The following RNF216 variants were observed in gnomAD, a reference collection of about 807,000 sequenced individuals.
The protein encoded by RNF216 is ring finger protein 216.
Under a neutral mutation model 110.8 loss-of-function variants are expected in RNF216, and 72 were observed. The ratio of observed to expected loss-of-function variants is 0.65; its 90% confidence interval spans 0.54 to 0.79. The LOEUF (loss-of-function observed/expected upper bound fraction) is 0.79, where lower values mean the gene tolerates loss of function less well. RNF216 is among the 30% of genes least tolerant of loss of function. RNF216 has a pLI of 0.00. For missense variants in RNF216, 1,342 were observed against 1,141.2 expected, an observed-to-expected ratio of 1.18 and a Z score of -2.54; for synonymous variants, 495 against 407.5, an observed-to-expected ratio of 1.21 and a Z score of -2.59.
chr7:5,731,995 G>A (rs1373342655), intron 5 of RNF216, among the ~76,000 whole-genome samples: 5 of 152,046 alleles, frequency 3.3e-5, no homozygotes, highest in Admixed American at 1.3e-4. Context: ...TCCCTTTGCC[G>A]TTACTTCAGG....
At chr7:5,728,573 C>CAA (rs534484429) in intron 7 of RNF216, among the ~76,000 whole-genome samples, 1 of 128,844 alleles carries the variant, frequency 7.8e-6, no homozygotes, top group Admixed American at 8.2e-5. Flanking sequence ...GACTCCGTCT[C>CAA]AAAAAAAAAA....
At chr7:5,718,857 A>G (rs1793233797) in intron 9 of RNF216, among the ~76,000 whole-genome samples, 2 of 152,152 alleles carry the variant, frequency 1.3e-5, no homozygotes, top group Admixed American at 1.3e-4. Context: ...CCACCCGGCC[A>G]AACTTAAGTT....
chr7:5,740,142 T>TTTG (rs1794675777), intron 4 of RNF216, among the ~76,000 whole-genome samples: 2 of 72,818 alleles, frequency 2.7e-5, no homozygotes, highest in African/African-American at 1.0e-4. Context: ...TTTTTTTTTT[T>TTTG]GTGAGATAGA....
At position 5,762,065 on chromosome 7, in the gene RNF216, T is replaced by C. The variant is rs532814631; in HGVS notation, c.-69-927A>G. Among the ~76,000 whole-genome samples, 179 of 152,212 alleles carry C rather than the reference T, an allele frequency of 1.2e-3. 1 individual carries two copies. Among genetic ancestry groups the C allele is most frequent in the African/African-American group, 4.2e-3 (176 of 41,550 alleles). On this transcript the variant is annotated intron_variant, in intron 1 of 16. Transcript: ENST00000389902. The stretch of plus-strand genomic sequence containing the variant: ...AGGGATGGTCATTATAGCAAATATG[T>C]AATAAAAGCAATTGGAAATGACCTT...
At chr7:5,707,718 G>GTGT (rs1792384318) in intron 13 of RNF216, among the ~76,000 whole-genome samples, 24 of 92,848 alleles carry the variant, frequency 2.6e-4, no homozygotes, top group Non-Finnish European at 3.0e-4. Context: ...TGTGTGTGTG[G>GTGT]TTTTTTTTTT....
chr7:5,776,251 C>G (rs1489411592), intron 1 of RNF216, among the ~76,000 whole-genome samples: 1 of 151,940 alleles, frequency 6.6e-6, no homozygotes, highest in Non-Finnish European at 1.5e-5. Context: ...TCAAAGAACT[C>G]AGAGTCCCAT....
At chr7:5,651,606 G>C (rs1788392230) in intron 14 of RNF216, among the ~76,000 whole-genome samples, 1 of 152,002 alleles carries the variant, frequency 6.6e-6, no homozygotes, top group Non-Finnish European at 1.5e-5. Context: ...ATTGTTATGA[G>C]AGAAGAGAAA....
intron 7 of RNF216, 148 bp from the exon 8 acceptor site, chr7:5,725,586 G>A (rs893692533): frequency 1.5e-5 from 9 of 616,818 alleles, no homozygotes; most frequent in Non-Finnish European, 2.3e-5. Flanking sequence ...TGCGGTGGCT[G>A]ACGCCTGTAA....
chr7:5,667,982 G>C (rs1393431771), intron 13 of RNF216, among the ~76,000 whole-genome samples: 1 of 152,214 alleles, frequency 6.6e-6, no homozygotes, highest in Non-Finnish European at 1.5e-5. Flanking sequence ...TTCAAGCTGA[G>C]CAGGTAACTT....
intron 13 of RNF216, among the ~76,000 whole-genome samples, chr7:5,697,151 C>T (rs552874575): frequency 2.0e-4 from 30 of 152,304 alleles, no homozygotes; most frequent in African/African-American, 7.0e-4. Context: ...CAGCTTTGCT[C>T]GTGTCATTCT....
Position 5,752,945 on chromosome 7 carries a change from T to C in RNF216, c.102A>G (p.Ile34Met), listed in dbSNP as rs747780115. Residue 34 changes from isoleucine (I) to methionine (M), a missense_variant, in exon 3 of 17, where the codon ATA (isoleucine) becomes ATG (methionine). Physicochemically the swap from Ile to Met is conservative, Grantham distance 10. Transcript: ENST00000389902. The stretch of plus-strand genomic sequence containing the variant: ...TCCTTTCCTCATCTGAGGAGTCAGA[T>C]ATGGTGATGGGCCCATCTCGGAGAT... ...WINLRDGPIT[I>M]SDSSDEERIP... The C allele has an allele frequency of 4.3e-6, 7 of 1,611,722 alleles. No individual in the cohort carries two copies. The highest frequency in any genetic ancestry group is 1.3e-5 in the African/African-American group (1 of 74,868).
chr7:5,699,625 A>T (rs1378553771), intron 13 of RNF216, among the ~76,000 whole-genome samples: 1 of 152,250 alleles, frequency 6.6e-6, no homozygotes, highest in East Asian at 1.9e-4. Context: ...TTCACAGTCC[A>T]TCTTCCCAGG....
intron 14 of RNF216, among the ~76,000 whole-genome samples, chr7:5,646,284 G>A (rs777294181): frequency 2.0e-5 from 3 of 152,032 alleles, no homozygotes; most frequent in Non-Finnish European, 4.4e-5. Context: ...CATGAGAATC[G>A]CTTGGGCCCA....
chr7:5,781,036 G>A (rs557841681), intron 1 of RNF216, among the ~76,000 whole-genome samples: 1 of 152,146 alleles, frequency 6.6e-6, no homozygotes, highest in Non-Finnish European at 1.5e-5. Context: ...GCCCTCGCGA[G>A]TGCCGGGTGA....
intron 3 of RNF216, among the ~76,000 whole-genome samples, chr7:5,743,702 G>T (rs1335766738): frequency 2.0e-5 from 3 of 152,162 alleles, no homozygotes; most frequent in African/African-American, 7.2e-5. Flanking sequence ...GACCTGGAAG[G>T]ATACATGCTA....
intron 13 of RNF216, among the ~76,000 whole-genome samples, chr7:5,657,561 C>T (rs533155019): frequency 6.6e-6 from 1 of 151,310 alleles, no homozygotes; most frequent in East Asian, 1.9e-4. Context: ...GAGTGAAATT[C>T]TGTCTAAAAA....
intron 8 of RNF216, among the ~76,000 whole-genome samples, chr7:5,724,676 T>C (rs1342640384): frequency 1.3e-5 from 2 of 152,132 alleles, no homozygotes; most frequent in Non-Finnish European, 2.9e-5. Context: ...GTTACCTGAG[T>C]TTCCACTTAG....
intron 3 of RNF216, 109 bp downstream of exon 3, chr7:5,752,737 C>T: frequency 9.2e-7 from 1 of 1,086,812 alleles, no homozygotes; most frequent in East Asian, 2.5e-5. Context: ...GGGCTGTTCT[C>T]AGAACGAGTA....
Position 5,741,071 on chromosome 7 carries a change from G to T in RNF216, c.946C>A (p.Pro316Thr). 1.2e-6 allele frequency: 2 copies of T among 1,614,074 alleles called. No individual in the cohort carries two copies. The highest frequency in any genetic ancestry group is 1.7e-6 in the Non-Finnish European group (2 of 1,180,020). ...TTGGGCTCTTGAGATTCTTGCATTG[G>T]AAAGGCTGGACCTGGCTCTTCATCA... ...SDDEEPGPAF[P>T]MQESQEPNLE... Residue 316 changes from proline (P) to threonine (T), a missense_variant, in exon 4 of 17, where the codon CCA becomes ACA. Physicochemically the swap from Pro to Thr is conservative, Grantham distance 38 (BLOSUM62 -1). Coordinates refer to ENST00000389902, the MANE Select transcript of RNF216 (RefSeq NM_207111.4).
Sources: allele counts gnomAD v4.1 joint callset (sites outside exome capture counted in the v4.1 genomes callset), GRCh38; gene constraint gnomAD v4.1.1; transcripts MANE v1.5; gene names NCBI Gene and HGNC (gene_info 2026-07-23, HGNC 2026-07-21).